LZTFL1: variants seen among roughly 807,000 people sequenced by gnomAD.
LZTFL1 encodes leucine zipper transcription factor-like protein 1.
A neutral mutation model predicts 45.9 loss-of-function variants in LZTFL1; 25 were observed. The observed-to-expected ratio is 0.54, with a 90% CI of 0.40 to 0.76. The LOEUF is 0.76. Ranked by LOEUF, LZTFL1 falls within the 30% of genes least tolerant of loss-of-function variation. The pLI is 0.00. For missense variants in LZTFL1, 277 were observed against 331.1 expected (o/e 0.84, Z 1.27); for synonymous variants, 93 against 117.4 (o/e 0.79, Z 1.35).
At chr3:45,902,146 G>A (rs913243975) in intron 2 of LZTFL1, 11 of 417,796 alleles carry the variant, frequency 2.6e-5, no homozygotes, top group South Asian at 5.3e-5. Flanking sequence ...ACTAAGGACC[G>A]GCACTGTGGA....
At chr3:45,897,173 C>T (rs574323632) in intron 2 of LZTFL1, among the ~76,000 whole-genome samples, 1 of 152,242 alleles carries the variant, frequency 6.6e-6, no homozygotes. Context: ...TGAGGGATTT[C>T]CAGAGGATTT....
intron 2 of LZTFL1, among the ~76,000 whole-genome samples, chr3:45,885,177 C>T (rs922612261): frequency 6.6e-6 from 1 of 152,292 alleles, no homozygotes; most frequent in East Asian, 1.9e-4. Flanking sequence ...GGGAGTACCA[C>T]GCCATGACAG....
intron 4 of LZTFL1, among the ~76,000 whole-genome samples, chr3:45,834,027 A>G (rs1219547968): frequency 6.6e-6 from 1 of 152,234 alleles, no homozygotes; most frequent in East Asian, 1.9e-4. Flanking sequence ...GTGTATGTGT[A>G]AGCCATCACA....
intron 2 of LZTFL1, among the ~76,000 whole-genome samples, chr3:45,898,467 GGAGAC>G (rs1702440100): frequency 6.6e-6 from 1 of 152,228 alleles, no homozygotes; most frequent in African/African-American, 2.4e-5. Context: ...TATAAAATAG[GGAGAC>G]GAGTTTTCTT....
chr3:45,827,537 G>GC, intron 8 of LZTFL1, 78 bp from the exon 9 acceptor site: 1 of 884,962 alleles, frequency 1.1e-6, no homozygotes, highest in Non-Finnish European at 1.8e-6. Context: ...AAAATATGTA[G>GC]TTTTTTTTGC....
chr3:45,849,599 C>A (rs1349361886), intron 4 of LZTFL1, among the ~76,000 whole-genome samples: 1 of 152,148 alleles, frequency 6.6e-6, no homozygotes, highest in African/African-American at 2.4e-5. Context: ...TGGAGAATGT[C>A]TTTCTAGGAA....
At position 45,824,263 on chromosome 3, in the gene LZTFL1, A is replaced by T. The variant is rs1037207627; in HGVS notation, c.*2051T>A. The T allele has an allele frequency of 2.6e-5, 4 of 152,112 alleles. No individual in the cohort carries two copies. The highest frequency in any genetic ancestry group is 4.8e-5 in the African/African-American group (2 of 41,422). 9.4% of individuals were successfully genotyped at this position (152,112 alleles called of 1,614,324 possible). A position where few individuals can be genotyped will look rare whatever the true frequency, so the allele number is the denominator to read the frequency against. On this transcript the variant is annotated 3_prime_UTR_variant, in exon 10 of 10. Transcript: ENST00000296135. ...AAATCCAATATATATATATATGAAA[A>T]AGGCTTTCTTTCTCAGTTAAATTAG...
intron 2 of LZTFL1, among the ~76,000 whole-genome samples, chr3:45,881,747 A>G (rs1202685818): frequency 6.6e-6 from 1 of 152,206 alleles, no homozygotes; most frequent in African/African-American, 2.4e-5. Flanking sequence ...CTTGAGTGCT[A>G]CTGGGGAAGG....
At position 45,897,603 on chromosome 3, in the gene LZTFL1, C is replaced by T. The variant is rs1267145752; in HGVS notation, c.-215+15517G>A. 7 of 1,535,790 alleles carry T rather than the reference C, an allele frequency of 4.6e-6. No individual in the cohort carries two copies. The South Asian group carries it at 8.3e-5, about 18-fold the overall frequency. ...TCCAGATCACCTTCCCTCGCTGGCC[C>T]AGGAATCCATCTCCTTCCAGGACCT... is the stretch of plus-strand genomic sequence containing the variant. On this transcript the variant is annotated intron_variant, in intron 2 of 4. Coordinates refer to the LZTFL1 transcript ENST00000472635.
chr3:45,888,859 G>A (rs905226414), intron 2 of LZTFL1, among the ~76,000 whole-genome samples: 1 of 152,102 alleles, frequency 6.6e-6, no homozygotes, highest in Non-Finnish European at 1.5e-5. Context: ...CTCTAGGGAG[G>A]GGTATGTCCT....
chr3:45,837,809 AAAT>A, intron 2 of LZTFL1, 115 bp downstream of exon 2: 1 of 1,128,428 alleles, frequency 8.9e-7, no homozygotes, highest in South Asian at 1.8e-5. Flanking sequence ...TGCTCTTAGC[AAAT>A]AATTGATCAT....
At chr3:45,911,766 C>A (rs1702799387) in intron 2 of LZTFL1, among the ~76,000 whole-genome samples, 1 of 152,206 alleles carries the variant, frequency 6.6e-6, no homozygotes, top group African/African-American at 2.4e-5. Flanking sequence ...GTAGGTCACC[C>A]CTTTGGTGAA....
chr3:45,847,842 TA>T (rs1230757604), intron 4 of LZTFL1, among the ~76,000 whole-genome samples: 4 of 152,262 alleles, frequency 2.6e-5, no homozygotes, highest in African/African-American at 9.6e-5. Context: ...TCTTTATGAA[TA>T]AATGTCCTTT....
chr3:45,880,278 C>T (rs538326615), intron 2 of LZTFL1, among the ~76,000 whole-genome samples: 5 of 152,212 alleles, frequency 3.3e-5, no homozygotes, highest in Non-Finnish European at 5.9e-5. Context: ...CCGAGGTAGG[C>T]GGATCACGAG....
intron 1 of LZTFL1, among the ~76,000 whole-genome samples, chr3:45,914,166 C>T (rs1258769547): frequency 6.6e-6 from 1 of 152,136 alleles, no homozygotes; most frequent in Non-Finnish European, 1.5e-5. Flanking sequence ...AAATTCTAAT[C>T]AAAACAGTGG....
intron 2 of LZTFL1, among the ~76,000 whole-genome samples, chr3:45,908,399 T>G (rs1331093540): frequency 1.3e-5 from 2 of 152,170 alleles, no homozygotes; most frequent in South Asian, 2.1e-4. Flanking sequence ...TGCTAAGCAC[T>G]GGGCAAGGTG....
intron 2 of LZTFL1, among the ~76,000 whole-genome samples, chr3:45,863,073 T>C (rs1307161171): frequency 1.3e-5 from 2 of 152,210 alleles, no homozygotes; most frequent in African/African-American, 4.8e-5. Context: ...ATTGAATGTA[T>C]ATTCATGAGT....
intron 5 of LZTFL1, among the ~76,000 whole-genome samples, chr3:45,831,713 G>C: frequency 6.6e-6 from 1 of 152,178 alleles, no homozygotes; most frequent in Non-Finnish European, 1.5e-5. Context: ...ACCACTGCCT[G>C]TTCTGTTCTC....
chr3:45,912,224 G>A (rs1293652077), intron 2 of LZTFL1, among the ~76,000 whole-genome samples: 1 of 152,252 alleles, frequency 6.6e-6, no homozygotes, highest in Non-Finnish European at 1.5e-5. Context: ...TTGTATGAGT[G>A]TATCTGGAGG....
Sources: gnomAD v4.1 joint callset for allele counts (sites outside exome capture counted in the v4.1 genomes callset) on GRCh38, gnomAD v4.1.1 for gene constraint, MANE v1.5 for transcripts, NCBI Gene and HGNC (gene_info 2026-07-23, HGNC 2026-07-21) for gene names.